Variants in FRRS1L observed in about 807,000 individuals in gnomAD.
FRRS1L encodes the protein DOMON domain-containing protein FRRS1L.
A neutral mutation model predicts 28.6 loss-of-function variants in FRRS1L; 22 were observed. The ratio of observed to expected loss-of-function variants is 0.77; its 90% CI spans 0.55 to 1.10. The LOEUF (loss-of-function observed/expected upper bound fraction) is 1.10. Ranked by LOEUF, FRRS1L falls within the 50% of genes least tolerant of loss-of-function variation. The pLI is 0.00. For synonymous variants in FRRS1L, 158 were observed against 151.4 expected, an observed-to-expected ratio of 1.04 and a Z score of -0.32; for missense variants, 380 against 386.9, an observed-to-expected ratio of 0.98 and a Z score of 0.15.
rs1372747869 is a variant in FRRS1L at position 109,130,470 on chromosome 9, T to C, written c.*6985A>G. 4 of 152,230 alleles carry C rather than the reference T, an allele frequency of 2.6e-5. No homozygotes were observed. Among genetic ancestry groups the C allele is most frequent in the African/African-American group, 4.8e-5 (2 of 41,462 alleles). The allele number at this position is 152,230 out of a possible 1,614,324, so 9.4% of individuals were successfully genotyped here. Reference sequence around the variant, plus strand: ...ATCATTTAGGTAGCATCTAGGAATATTGCTACAATTACTTTACATAAATAG... The same window carrying C: ...ATCATTTAGGTAGCATCTAGGAATACTGCTACAATTACTTTACATAAATAG... On this transcript the variant is annotated 3_prime_UTR_variant, in exon 5 of 5. Transcript: ENST00000561981.
intron 1 of FRRS1L, among the ~76,000 whole-genome samples, chr9:109,161,924 C>G (rs1253960742): frequency 1.3e-5 from 2 of 152,192 alleles, no homozygotes; most frequent in Non-Finnish European, 2.9e-5. Context: ...GAAGCAAACT[C>G]AGCCTTCATG....
In FRRS1L at chr9:109,166,999, C is replaced by T. The variant is rs1352910846; in HGVS notation, c.140G>A (p.Arg47Gln). The T allele has an allele frequency of 2.4e-6, 3 of 1,256,774 alleles. No homozygotes were observed. Among genetic ancestry groups the T allele is most frequent in the Non-Finnish European group, 3.0e-6 (3 of 999,780 alleles). 77.9% of individuals were successfully genotyped at this position (1,256,774 alleles called of 1,614,324 possible). ...CGCCTCGTCGGCGCCCGTGTCCCCC[C>T]GCGCGCGTCCCCGGGGTCCCCGGCC... is the stretch of plus-strand genomic sequence containing the variant. ...PGGRGPRGRA[R>Q]GDTGADEAVP... Residue 47 changes from arginine (R) to glutamine (Q), a missense_variant, in exon 1 of 5, where the codon CGG (arginine) becomes CAG (glutamine). Transcript: ENST00000561981.
chr9:109,137,377 A>G lies in FRRS1L; in HGVS notation c.*78T>C. Reference sequence around the variant, plus strand: ...TTCTTAAATAATTGAAGCTAAAATTATACTGGATATTCTTTAAAAAATATA... The same window carrying G: ...TTCTTAAATAATTGAAGCTAAAATTGTACTGGATATTCTTTAAAAAATATA... On this transcript the variant is annotated 3_prime_UTR_variant, in exon 5 of 5. Coordinates refer to ENST00000561981, the MANE Select transcript of FRRS1L (RefSeq NM_014334.4). 1.1e-6 allele frequency: 1 copy of G among 898,240 alleles called. No individual in the cohort carries two copies. The highest frequency in any genetic ancestry group is 1.6e-6 in the Non-Finnish European group (1 of 639,542). 55.6% of individuals were successfully genotyped at this position (898,240 alleles called of 1,614,324 possible).
rs1831050695 is a variant in FRRS1L, at chr9:109,130,962, A to C, written c.*6493T>G. The stretch of plus-strand genomic sequence containing the variant: ...GGAAAACTGAACACATTAATCAAGC[A>C]GCAGTGTGTTTTATGTTAAAAATCC... On this transcript the variant is annotated 3_prime_UTR_variant, in exon 5 of 5. Coordinates refer to ENST00000561981, the MANE Select transcript of FRRS1L (RefSeq NM_014334.4). 1 of 152,262 alleles carries C rather than the reference A, an allele frequency of 6.6e-6. No homozygotes were observed. Among genetic ancestry groups the C allele is most frequent in the Non-Finnish European group, 1.5e-5 (1 of 68,042 alleles). The allele number at this position is 152,262 out of a possible 1,614,324, so 9.4% of individuals were successfully genotyped here. A position where few individuals can be genotyped will look rare whatever the true frequency, so the allele number is the denominator to read the frequency against.
intron 2 of FRRS1L, among the ~76,000 whole-genome samples, chr9:109,149,177 A>G (rs1831298833): frequency 6.6e-6 from 1 of 152,254 alleles, no homozygotes; most frequent in Non-Finnish European, 1.5e-5. Context: ...GAGACTCACC[A>G]TGCCTGAGAT....
Position 109,131,981 on chromosome 9 carries a change from T to TTATTTTATTTG in FRRS1L, c.*5473_*5474insCAAATAAAATA, listed in dbSNP as rs1554731647. 1 of 150,674 alleles carries TTATTTTATTTG rather than the reference T, an allele frequency of 6.6e-6. No homozygotes were observed. The highest frequency in any genetic ancestry group is 1.5e-5 in the Non-Finnish European group (1 of 67,594). 9.3% of individuals were successfully genotyped at this position (150,674 alleles called of 1,614,324 possible). ...TTATTTTATTTTATTTTATTTTATTTATTTATTTTTTAGACGGAGTCTTGC... is the reference window on the plus strand; with the variant it reads ...TTATTTTATTTTATTTTATTTTATTTTATTTTATTTGATTTATTTTTTAGACGGAGTCTTGC... On this transcript the variant is annotated 3_prime_UTR_variant, in exon 5 of 5. Transcript: ENST00000561981.
At chr9:109,156,633 C>T (rs34324253) in intron 1 of FRRS1L, among the ~76,000 whole-genome samples, 1 of 151,530 alleles carries the variant, frequency 6.6e-6, no homozygotes, top group Admixed American at 6.6e-5. Context: ...TCGTGATCCG[C>T]CCGCCTCGGC....
rs185606080 is a variant in FRRS1L at position 109,133,176 on chromosome 9, A to G, written c.*4279T>C. The G allele has an allele frequency of 5.3e-5, 8 of 152,270 alleles. No individual in the cohort carries two copies. Among genetic ancestry groups the G allele is most frequent in the East Asian group, 3.9e-4 (2 of 5,190 alleles). 9.4% of individuals were successfully genotyped at this position (152,270 alleles called of 1,614,324 possible). On this transcript the variant is annotated 3_prime_UTR_variant, in exon 5 of 5. Transcript: ENST00000561981. ...TCACCTTTTGACTCAGCGGAGCAATAAAAAAAGCACTGGGCTCCAAGTTAG... is the reference window on the plus strand; with the variant it reads ...TCACCTTTTGACTCAGCGGAGCAATGAAAAAAGCACTGGGCTCCAAGTTAG...
At chr9:109,157,776 TAA>T (rs1203858696) in intron 1 of FRRS1L, among the ~76,000 whole-genome samples, 1 of 152,260 alleles carries the variant, frequency 6.6e-6, no homozygotes, top group Admixed American at 6.5e-5. Flanking sequence ...CTGTTACAGG[TAA>T]ACATTCCTGA....
intron 1 of FRRS1L, chr9:109,152,342 G>C (rs1017753750): frequency 2.6e-5 from 4 of 151,894 alleles, no homozygotes; most frequent in Non-Finnish European, 5.9e-5. Flanking sequence ...TAGAGACGGG[G>C]TTTCACCATG....
At chr9:109,142,585 A>G (rs1251016645) in intron 3 of FRRS1L, among the ~76,000 whole-genome samples, 1 of 152,200 alleles carries the variant, frequency 6.6e-6, no homozygotes, top group Non-Finnish European at 1.5e-5. Flanking sequence ...AAGTCAAGAC[A>G]GGAGGATCAT....
intron 1 of FRRS1L, among the ~76,000 whole-genome samples, chr9:109,165,711 T>C (rs1295316811): frequency 2.0e-5 from 3 of 152,260 alleles, no homozygotes; most frequent in Non-Finnish European, 2.9e-5. Flanking sequence ...TGCAACCATA[T>C]GATTAAGTTG....
At chr9:109,148,942 C>T (rs1412598748) in intron 2 of FRRS1L, among the ~76,000 whole-genome samples, 2 of 152,158 alleles carry the variant, frequency 1.3e-5, no homozygotes, top group Non-Finnish European at 1.5e-5. Context: ...CCTTCTTAGA[C>T]CTTAAGTACT....
In FRRS1L at chr9:109,148,883, A is replaced by G. The variant is rs550392596; in HGVS notation, c.323+753T>C. Among the ~76,000 whole-genome samples, 14 of 132,706 alleles carry G rather than the reference A, an allele frequency of 1.1e-4. No homozygotes were observed. In the East Asian group the frequency reaches 3.2e-3, roughly 30 times the overall value. 87.1% of individuals were successfully genotyped at this position (132,706 alleles called of 152,430 possible). A position where few individuals can be genotyped will look rare whatever the true frequency, so the allele number is the denominator to read the frequency against. ...TGGCTATTTTTATTCATTCCTTAGAAGTGGCCTTGTAATCCAAAGAAAGCT... is the reference window on the plus strand; with the variant it reads ...TGGCTATTTTTATTCATTCCTTAGAGGTGGCCTTGTAATCCAAAGAAAGCT... On this transcript the variant is annotated intron_variant, in intron 2 of 4. Transcript: ENST00000561981.
intron 3 of FRRS1L, among the ~76,000 whole-genome samples, chr9:109,142,447 T>C (rs934526048): frequency 2.6e-5 from 4 of 152,086 alleles, no homozygotes; most frequent in African/African-American, 9.7e-5. Flanking sequence ...CACTTTAAAA[T>C]CATAAATTTT....
chr9:109,130,743 G>A lies in FRRS1L; in HGVS notation c.*6712C>T, dbSNP rs140822661. The A allele has an allele frequency of 1.4e-3, 217 of 152,300 alleles. 1 individual carries two copies. Among genetic ancestry groups the A allele is most frequent in the African/African-American group, 5.0e-3 (206 of 41,564 alleles). 9.4% of individuals were successfully genotyped at this position (152,300 alleles called of 1,614,324 possible). On this transcript the variant is annotated 3_prime_UTR_variant, in exon 5 of 5. Coordinates refer to ENST00000561981, the MANE Select transcript of FRRS1L (RefSeq NM_014334.4). ...ATTGTTCCAGCATATCAGCATGTCT[G>A]TGGAAATAAGGCATCCGGAGAAGCT...
At position 109,137,528 on chromosome 9, in the gene FRRS1L, T is replaced by G. The variant is rs1437564565; in HGVS notation, c.809A>C (p.Gln270Pro). Residue 270 changes from glutamine to proline, a missense_variant, in exon 5 of 5, where the codon CAA becomes CCA. Gln to Pro is a moderately conservative substitution (Grantham distance 76). Coordinates refer to ENST00000561981, the MANE Select transcript of FRRS1L (RefSeq NM_014334.4). ...EDIFMPSAAY[Q>P]TFSSPFCLLL... ...CAAACAAAATGGAGATGAGAAGGTT[T>G]GATAGGCAGCTGATGGCATAAAAAT... The G allele has an allele frequency of 6.8e-6, 11 of 1,613,404 alleles. No individual in the cohort carries two copies. Among genetic ancestry groups the G allele is most frequent in the African/African-American group, 2.7e-5 (2 of 74,890 alleles).
At chr9:109,154,028 T>C (rs1831372430) in intron 1 of FRRS1L, among the ~76,000 whole-genome samples, 1 of 152,174 alleles carries the variant, frequency 6.6e-6, no homozygotes, top group Non-Finnish European at 1.5e-5. Context: ...GTGTGATTGC[T>C]GTTCCAATAA....
At chr9:109,156,521 TG>T (rs1254971366) in intron 1 of FRRS1L, among the ~76,000 whole-genome samples, 1 of 151,868 alleles carries the variant, frequency 6.6e-6, no homozygotes, top group Non-Finnish European at 1.5e-5. Flanking sequence ...CCCGAGTAGC[TG>T]GAACTACAGG....
Sources: gnomAD v4.1 joint callset for allele counts (sites outside exome capture counted in the v4.1 genomes callset) on GRCh38, gnomAD v4.1.1 for gene constraint, MANE v1.5 for transcripts, NCBI Gene and HGNC (gene_info 2026-07-23, HGNC 2026-07-21) for gene names.